The following LRRC40 variants were observed in gnomAD, a reference collection of about 807,000 sequenced individuals.
LRRC40 encodes leucine-rich repeat-containing protein 40.
A neutral mutation model predicts 72.8 loss-of-function variants in LRRC40; 76 were observed. The observed-to-expected ratio is 1.04, with a 90% CI of 0.87 to 1.26. The LOEUF is 1.26. LRRC40 is among the 50% of genes most tolerant of loss of function. LRRC40 has a pLI of 0.00. For synonymous variants in LRRC40, 243 were observed against 254.2 expected (o/e 0.96, Z 0.42); for missense variants, 684 against 698.9 (o/e 0.98, Z 0.24).
intron 11 of LRRC40, among the ~76,000 whole-genome samples, chr1:70,154,575 A>T (rs529827547): frequency 7.9e-5 from 12 of 152,220 alleles, no homozygotes; most frequent in African/African-American, 2.9e-4. Flanking sequence ...GCAATGGACT[A>T]TCTTAAATTT....
At chr1:70,195,918 G>A (rs190363919) in intron 1 of LRRC40, among the ~76,000 whole-genome samples, 24 of 152,240 alleles carry the variant, frequency 1.6e-4, no homozygotes, top group East Asian at 1.2e-3. Context: ...GTACAGGCGT[G>A]AGCCACCACG....
intron 1 of LRRC40, 25 bp from the exon 2 acceptor site, chr1:70,189,298 GAA>G (rs745450367): frequency 0.082 from 60,530 of 737,232 alleles, no homozygotes; most frequent in Middle Eastern, 0.13. Context: ...ACCACACCAG[GAA>G]AAAAAAAAAA....
Position 70,145,224 on chromosome 1 carries a change from A to G in LRRC40, c.*576T>C, listed in dbSNP as rs1667255295. On this transcript the variant is annotated 3_prime_UTR_variant, in exon 15 of 15. Coordinates refer to ENST00000370952, the MANE Select transcript of LRRC40 (RefSeq NM_017768.5). Reference sequence around the variant, plus strand: ...GGTAATGAAAAGTCTTATTTTTAATATATTTTTGTTTCCTTTTTCTTTTGA... The same window carrying G: ...GGTAATGAAAAGTCTTATTTTTAATGTATTTTTGTTTCCTTTTTCTTTTGA... The G allele has an allele frequency of 6.6e-6, 1 of 152,156 alleles. No homozygotes were observed. The highest frequency in any genetic ancestry group is 2.1e-4 in the South Asian group (1 of 4,832). 9.4% of individuals were successfully genotyped at this position (152,156 alleles called of 1,614,324 possible).
chr1:70,199,706 C>A (rs1478922628), intron 1 of LRRC40, among the ~76,000 whole-genome samples: 1 of 152,052 alleles, frequency 6.6e-6, no homozygotes, highest in Non-Finnish European at 1.5e-5. Context: ...ATATAATATA[C>A]AAATATATGT....
At chr1:70,146,225 AT>A (rs1305852926) in intron 14 of LRRC40, among the ~76,000 whole-genome samples, 1 of 151,900 alleles carries the variant, frequency 6.6e-6, no homozygotes, top group Non-Finnish European at 1.5e-5. Context: ...GGGTTTTGCC[AT>A]TTTGGCCAGG....
At chr1:70,149,729 G>A (rs768316422) in intron 13 of LRRC40, among the ~76,000 whole-genome samples, 1 of 152,032 alleles carries the variant, frequency 6.6e-6, no homozygotes, top group Non-Finnish European at 1.5e-5. Context: ...GACAAGTAAT[G>A]GAGCAGACAG....
chr1:70,185,523 T>TG (rs1056637137), intron 3 of LRRC40, among the ~76,000 whole-genome samples: 3 of 152,218 alleles, frequency 2.0e-5, no homozygotes, highest in Non-Finnish European at 4.4e-5. Flanking sequence ...CCCAGCCATG[T>TG]GGAACTGTAA....
At chr1:70,178,314 G>A (rs1383976824) in intron 6 of LRRC40, among the ~76,000 whole-genome samples, 1 of 152,070 alleles carries the variant, frequency 6.6e-6, no homozygotes, top group Non-Finnish European at 1.5e-5. Context: ...CTTATTAAAG[G>A]AAAACTTTTT....
At chr1:70,172,134 G>T (rs1668012497) in intron 9 of LRRC40, among the ~76,000 whole-genome samples, 1 of 152,024 alleles carries the variant, frequency 6.6e-6, no homozygotes, top group Admixed American at 6.6e-5. Context: ...AAGTCTTGGG[G>T]GCTCATTAAC....
intron 10 of LRRC40, among the ~76,000 whole-genome samples, chr1:70,157,651 A>T (rs1336970709): frequency 6.6e-6 from 1 of 152,222 alleles, no homozygotes; most frequent in Non-Finnish European, 1.5e-5. Flanking sequence ...GGAAGCCAGA[A>T]GTCAGGCATA....
chr1:70,178,971 A>G lies in LRRC40; in HGVS notation c.684T>C (p.Asn228=), dbSNP rs1668179420. 1 of 1,599,430 alleles carries G rather than the reference A, an allele frequency of 6.3e-7. No individual in the cohort carries two copies. Among genetic ancestry groups the G allele is most frequent in the Non-Finnish European group, 8.5e-7 (1 of 1,171,164 alleles). ...RMKRLKHLDC[N]SNLLETIPPE... ...GAGGTATAGTTTCCAAGAGATTTGA[A>G]TTACAATCCAAATGCTTCAACCCTG... The change falls in exon 6 of 15, where the codon AAT becomes AAC. Residue 228 remains asparagine (N), a synonymous_variant. Coordinates refer to ENST00000370952, the MANE Select transcript of LRRC40 (RefSeq NM_017768.5).
chr1:70,177,213 T>C (rs956448451), intron 6 of LRRC40, among the ~76,000 whole-genome samples: 1 of 152,050 alleles, frequency 6.6e-6, no homozygotes, highest in African/African-American at 2.4e-5. Context: ...GAGGCGGAGG[T>C]TGCAGTGAGC....
chr1:70,183,654 C>T (rs1322712065), intron 4 of LRRC40, among the ~76,000 whole-genome samples: 1 of 151,992 alleles, frequency 6.6e-6, no homozygotes, highest in Non-Finnish European at 1.5e-5. Flanking sequence ...CTGACTCAGG[C>T]AACTTCCCTG....
intron 11 of LRRC40, among the ~76,000 whole-genome samples, chr1:70,154,194 A>G (rs1667584319): frequency 6.6e-6 from 1 of 152,142 alleles, no homozygotes; most frequent in South Asian, 2.1e-4. Flanking sequence ...TTTTTTAAAA[A>G]GGGAAAGTGG....
intron 1 of LRRC40, 25 bp from the exon 2 acceptor site, chr1:70,189,298 G>GAAAAA (rs745450367): frequency 1.7e-5 from 13 of 763,808 alleles, no homozygotes; most frequent in Admixed American, 1.2e-4. Flanking sequence ...ACCACACCAG[G>GAAAAA]AAAAAAAAAA....
chr1:70,189,298 GA>G (rs745450367), intron 1 of LRRC40, 25 bp from the exon 2 acceptor site: 200,078 of 755,788 alleles, frequency 0.26, 601 homozygotes, highest in Middle Eastern at 0.3. Flanking sequence ...ACCACACCAG[GA>G]AAAAAAAAAA....
chr1:70,145,193 A>G lies in LRRC40; in HGVS notation c.*607T>C, dbSNP rs1355149967. On this transcript the variant is annotated 3_prime_UTR_variant, in exon 15 of 15. Coordinates refer to ENST00000370952, the MANE Select transcript of LRRC40 (RefSeq NM_017768.5). ...AGATTAGCCATATCACAAAAGTCCT[A>G]TCATGGGTAATGAAAAGTCTTATTT... is the stretch of plus-strand genomic sequence containing the variant. 6.6e-6 allele frequency: 1 copy of G among 152,172 alleles called. No individual in the cohort carries two copies. Among genetic ancestry groups the G allele is most frequent in the East Asian group, 1.9e-4 (1 of 5,190 alleles). The allele number at this position is 152,172 out of a possible 1,614,324, so 9.4% of individuals were successfully genotyped here. A position where few individuals can be genotyped will look rare whatever the true frequency, so the allele number is the denominator to read the frequency against.
At chr1:70,171,156 A>C (rs1667992140) in intron 9 of LRRC40, among the ~76,000 whole-genome samples, 1 of 152,178 alleles carries the variant, frequency 6.6e-6, no homozygotes, top group Non-Finnish European at 1.5e-5. Context: ...ATCCATGTAC[A>C]AAACAATGAA....
chr1:70,186,301 C>A (rs1480968342), intron 3 of LRRC40, among the ~76,000 whole-genome samples: 1 of 152,170 alleles, frequency 6.6e-6, no homozygotes, highest in East Asian at 1.9e-4. Context: ...TCAACACTTA[C>A]TGCTTCCTCT....
Sources: allele counts gnomAD v4.1 joint callset (sites outside exome capture counted in the v4.1 genomes callset), GRCh38; gene constraint gnomAD v4.1.1; transcripts MANE v1.5; gene names NCBI Gene and HGNC (gene_info 2026-07-23, HGNC 2026-07-21).